PLXNA4: variants seen among roughly 807,000 people sequenced by gnomAD.
PLXNA4 encodes plexin-A4.
A neutral mutation model predicts 191.8 loss-of-function variants in PLXNA4; 44 were observed. The ratio of observed to expected loss-of-function variants is 0.23; its 90% CI spans 0.18 to 0.29. The LOEUF (loss-of-function observed/expected upper bound fraction) is 0.29. PLXNA4 is among the 10% of genes least tolerant of loss of function. The probability of loss-of-function intolerance (pLI) is 1.00; values close to 1 mark genes in which losing one functional copy is unlikely to be tolerated. For synonymous variants in PLXNA4, 1,082 were observed against 1,009.5 expected (o/e 1.07, Z -1.36); for missense variants, 1,800 against 2,488.8 (o/e 0.72, Z 5.89).
chr7:132,556,073 C>T (rs1444442018), intron 1 of PLXNA4, among the ~76,000 whole-genome samples: 4 of 152,202 alleles, frequency 2.6e-5, no homozygotes, highest in Non-Finnish European at 5.9e-5. Context: ...TCCTCTAATC[C>T]CACTAGAAGG....
intron 3 of PLXNA4, among the ~76,000 whole-genome samples, chr7:132,391,406 A>G (rs1445096739): frequency 6.6e-6 from 1 of 152,228 alleles, no homozygotes; most frequent in African/African-American, 2.4e-5. Context: ...TTGTGCTGAT[A>G]TGTTCTAATT....
At chr7:132,182,224 A>G in intron 16 of PLXNA4, 34 bp from the exon 17 acceptor site, 2 of 1,611,826 alleles carry the variant, frequency 1.2e-6, no homozygotes, top group African/African-American at 1.3e-5. Context: ...TGTGTAAATG[A>G]TAAGTTCAGG....
At chr7:132,176,842 G>A (rs1796483118) in intron 20 of PLXNA4, among the ~76,000 whole-genome samples, 1 of 152,102 alleles carries the variant, frequency 6.6e-6, no homozygotes, top group Admixed American at 6.5e-5. Context: ...ACGAATGTGA[G>A]TGCATGTGTA....
intron 3 of PLXNA4, among the ~76,000 whole-genome samples, chr7:132,315,155 T>C (rs1801896081): frequency 6.6e-6 from 1 of 152,186 alleles, no homozygotes; most frequent in Admixed American, 6.5e-5. Context: ...TTTCTGCTAC[T>C]GGGGCCTGGG....
intron 20 of PLXNA4, among the ~76,000 whole-genome samples, chr7:132,175,420 A>G (rs1487139321): frequency 6.6e-6 from 1 of 152,262 alleles, no homozygotes; most frequent in African/African-American, 2.4e-5. Flanking sequence ...AGTCTGGACC[A>G]TGCAGCTCAT....
intron 4 of PLXNA4, among the ~76,000 whole-genome samples, chr7:132,253,457 C>T (rs1799326633): frequency 6.6e-6 from 1 of 152,034 alleles, no homozygotes; most frequent in East Asian, 1.9e-4. Context: ...GTTGGCCAAG[C>T]TGATCTTGAA....
intron 3 of PLXNA4, among the ~76,000 whole-genome samples, chr7:132,403,797 G>T (rs1236355282): frequency 6.6e-6 from 1 of 152,128 alleles, no homozygotes; most frequent in Admixed American, 6.5e-5. Flanking sequence ...TTACTTCGGG[G>T]ACAGGACCTG....
At chr7:132,407,358 TTTTCTAGTGTGAGAAG>T (rs1164738742) in intron 3 of PLXNA4, among the ~76,000 whole-genome samples, 4 of 152,140 alleles carry the variant, frequency 2.6e-5, no homozygotes, top group African/African-American at 7.2e-5. Flanking sequence ...GTGGCACCCA[TTTTCTAGTGTGAGAAG>T]TTTCTAGTGT....
chr7:132,445,845 C>A (rs765595085), intron 3 of PLXNA4, among the ~76,000 whole-genome samples: 9 of 152,176 alleles, frequency 5.9e-5, no homozygotes, highest in African/African-American at 2.2e-4. Context: ...TGTGTCCCCC[C>A]TCAGGGATTC....
Position 132,594,493 on chromosome 7 carries a change from G to A in PLXNA4, c.-87+51435C>T, listed in dbSNP as rs142928454. On this transcript the variant is annotated intron_variant, in intron 2 of 4. Transcript: ENST00000378539. ...GCAATCCTAGGAAACTAATGGGCTC[G>A]TTTTCTATAAGGTGAGCAAGTTGGA... Among the ~76,000 whole-genome samples the A allele has an allele frequency of 5.9e-5, 9 of 152,268 alleles. 1 individual carries two copies. The East Asian group carries it at 1.2e-3, about 20-fold the overall frequency.
chr7:132,325,819 G>A (rs1802335431), intron 3 of PLXNA4, among the ~76,000 whole-genome samples: 1 of 152,192 alleles, frequency 6.6e-6, no homozygotes, highest in African/African-American at 2.4e-5. Context: ...CGTAAGCCCA[G>A]TGGGTCACTC....
chr7:132,492,808 C>T (rs375973860), intron 2 of PLXNA4, among the ~76,000 whole-genome samples: 1 of 152,158 alleles, frequency 6.6e-6, no homozygotes, highest in Non-Finnish European at 1.5e-5. Context: ...CTTATTGGAG[C>T]GATGGCACCT....
intron 19 of PLXNA4, 38 bp downstream of exon 19, chr7:132,180,547 CT>C: frequency 6.2e-7 from 1 of 1,612,692 alleles, no homozygotes; most frequent in Non-Finnish European, 8.5e-7. Context: ...TGCATCCCTA[CT>C]GCCCGCTCCA....
intron 3 of PLXNA4, among the ~76,000 whole-genome samples, chr7:132,344,276 C>T (rs567753492): frequency 6.6e-6 from 1 of 152,270 alleles, no homozygotes; most frequent in East Asian, 1.9e-4. Context: ...TCGCCTGCCA[C>T]TGTGTGCAAC....
intron 15 of PLXNA4, 51 bp downstream of exon 15, chr7:132,187,420 C>T: frequency 1.3e-6 from 2 of 1,574,188 alleles, no homozygotes; most frequent in Non-Finnish European, 1.7e-6. Context: ...AGTCATTTAC[C>T]TGTCTAACCT....
chr7:132,411,940 G>A (rs988314787), intron 3 of PLXNA4, among the ~76,000 whole-genome samples: 2 of 152,080 alleles, frequency 1.3e-5, no homozygotes, highest in East Asian at 1.9e-4. Flanking sequence ...GCTCCTGCCT[G>A]CCCCTCCAAA....
intron 1 of PLXNA4, among the ~76,000 whole-genome samples, chr7:132,648,136 C>G (rs781609629): frequency 1.3e-5 from 2 of 152,128 alleles, no homozygotes; most frequent in East Asian, 1.9e-4. Context: ...CATACACTCA[C>G]GTACACACAC....
chr7:132,236,684 G>T (rs754726455), intron 5 of PLXNA4, among the ~76,000 whole-genome samples: 4 of 152,100 alleles, frequency 2.6e-5, no homozygotes, highest in African/African-American at 7.2e-5. Context: ...AGAAGGGCAG[G>T]TCTGAGAGAT....
intron 2 of PLXNA4, among the ~76,000 whole-genome samples, chr7:132,637,491 G>C (rs1231402104): frequency 6.6e-6 from 1 of 152,192 alleles, no homozygotes; most frequent in Non-Finnish European, 1.5e-5. Flanking sequence ...TCAGTCACTG[G>C]AAGTGCTCTT....
Sources: gnomAD v4.1 joint callset for allele counts (sites outside exome capture counted in the v4.1 genomes callset) on GRCh38, gnomAD v4.1.1 for gene constraint, MANE v1.5 for transcripts, NCBI Gene and HGNC (gene_info 2026-07-23, HGNC 2026-07-21) for gene names.